The following CCDC30 variants were observed in gnomAD, a reference collection of about 807,000 sequenced individuals.
CCDC30 encodes coiled-coil domain-containing protein 30.
Under a neutral mutation model 100.2 loss-of-function variants are expected in CCDC30, and 70 were observed. That is an observed-to-expected ratio of 0.70 (90% CI 0.58 to 0.85). CCDC30 has a LOEUF of 0.85. Among genes scored for constraint, CCDC30 ranks in the 40% least tolerant of loss-of-function variants. The pLI, the probability that CCDC30 is intolerant of heterozygous loss-of-function variation, is 0.00. For synonymous variants in CCDC30, 233 were observed against 269.5 expected, an observed-to-expected ratio of 0.86 and a Z score of 1.33; for missense variants, 652 against 771.2, an observed-to-expected ratio of 0.85 and a Z score of 1.83.
At chr1:42,556,096 T>TC (rs1471369606) in intron 6 of CCDC30, 60 bp from the exon 10 acceptor site, 9 of 1,512,956 alleles carry the variant, frequency 5.9e-6, no homozygotes, top group African/African-American at 1.4e-5. Context: ...AGCTTTTTTT[T>TC]CCCGATTCTA....
chr1:42,492,652 A>C (rs2148468526), intron 4 of CCDC30, among the ~76,000 whole-genome samples: 1 of 152,104 alleles, frequency 6.6e-6, no homozygotes, highest in African/African-American at 2.4e-5. Context: ...GAAATTAAAA[A>C]GATTTTTTTT....
downstream of CCDC30, among the ~76,000 whole-genome samples, chr1:42,656,689 T>G (rs1010560537): frequency 5.3e-5 from 8 of 152,186 alleles, no homozygotes; most frequent in Non-Finnish European, 1.2e-4. Flanking sequence ...GTCAACATAC[T>G]GTTTTCATAG....
In CCDC30 at chr1:42,565,447, C is replaced by T. The variant is rs147778835; in HGVS notation, c.457-849C>T. 6.0e-4 allele frequency among the ~76,000 whole-genome samples: 92 copies of T among 152,232 alleles called. 1 individual carries two copies. Among genetic ancestry groups the T allele is most frequent in the African/African-American group, 2.2e-3 (90 of 41,552 alleles). Reference sequence around the variant, plus strand: ...AGGTATGTGAAAAAATGTTCAGCGTCGTGAATTATTAGGGAAATGCAAATT... The same window carrying T: ...AGGTATGTGAAAAAATGTTCAGCGTTGTGAATTATTAGGGAAATGCAAATT... On this transcript the variant is annotated intron_variant, in intron 6 of 16. Transcript: ENST00000668663.
At chr1:42,603,674 G>C (rs1173551567) in intron 10 of CCDC30, among the ~76,000 whole-genome samples, 1 of 152,170 alleles carries the variant, frequency 6.6e-6, no homozygotes, top group Admixed American at 6.5e-5. Context: ...ATTTATTGCT[G>C]GTGGGAATGC....
At chr1:42,478,735 G>A (rs899230400) in intron 1 of CCDC30, among the ~76,000 whole-genome samples, 4 of 152,058 alleles carry the variant, frequency 2.6e-5, no homozygotes, top group Non-Finnish European at 4.4e-5. Flanking sequence ...CTCCAGCCTG[G>A]GGAACGGAGT....
chr1:42,508,787 A>T (rs1644434182), intron 6 of CCDC30, among the ~76,000 whole-genome samples: 1 of 152,178 alleles, frequency 6.6e-6, no homozygotes, highest in African/African-American at 2.4e-5. Flanking sequence ...GAGTGGCAAG[A>T]CAAAAAAAAT....
intron 6 of CCDC30, among the ~76,000 whole-genome samples, chr1:42,522,659 C>A (rs1180508848): frequency 6.6e-6 from 1 of 151,930 alleles, no homozygotes; most frequent in Non-Finnish European, 1.5e-5. Context: ...TTTTGATGTC[C>A]CAAAATTACA....
intron 6 of CCDC30, chr1:42,533,957 G>A (rs938113668): frequency 7.9e-6 from 1 of 127,318 alleles, no homozygotes; most frequent in African/African-American, 3.0e-5. Flanking sequence ...GGCAGGTGAG[G>A]TAGGCTCCCT....
chr1:42,465,842 C>T (rs767877413), intron 1 of CCDC30, among the ~76,000 whole-genome samples: 4 of 152,184 alleles, frequency 2.6e-5, no homozygotes, highest in Non-Finnish European at 5.9e-5. Context: ...TCCACAACAG[C>T]TCAGAATGTC....
exon 1 of CCDC30, chr1:42,463,461 G>A (rs1643470538): frequency 6.6e-6 from 1 of 152,184 alleles, no homozygotes; most frequent in African/African-American, 2.4e-5. Flanking sequence ...TCCGCATTAC[G>A]GGCCTTTTCT....
intron 2 of CCDC30, among the ~76,000 whole-genome samples, chr1:42,482,222 CA>C (rs11399996): frequency 0.019 from 2,402 of 127,406 alleles, 50 homozygotes; most frequent in African/African-American, 0.059. Flanking sequence ...GACTCCATCT[CA>C]AAAAAAAAAA....
intron 11 of CCDC30, among the ~76,000 whole-genome samples, chr1:42,626,949 G>A (rs980201017): frequency 2.0e-5 from 3 of 152,142 alleles, no homozygotes; most frequent in African/African-American, 7.2e-5. Flanking sequence ...AGTAGATTGG[G>A]GCATTGCTGA....
intron 6 of CCDC30, among the ~76,000 whole-genome samples, chr1:42,514,146 C>G (rs180925773): frequency 1.4e-4 from 22 of 152,276 alleles, no homozygotes; most frequent in African/African-American, 4.8e-4. Context: ...ATTTATTCAT[C>G]AATTGGACAT....
At chr1:42,566,297 A>G (rs1194008000) in exon 7 of CCDC30, 3 of 1,611,868 alleles carry the variant, frequency 1.9e-6, no homozygotes, top group Admixed American at 3.3e-5. Flanking sequence ...TTGCTTTAGC[A>G]TCCATCATCT....
intron 6 of CCDC30, among the ~76,000 whole-genome samples, chr1:42,544,464 T>C (rs1237424671): frequency 1.3e-5 from 2 of 152,224 alleles, no homozygotes; most frequent in Non-Finnish European, 2.9e-5. Flanking sequence ...TGAGTCTTAC[T>C]CAGGGTAGGG....
intron 12 of CCDC30, among the ~76,000 whole-genome samples, chr1:42,642,092 G>A (rs1291831709): frequency 6.6e-6 from 1 of 151,818 alleles, no homozygotes; most frequent in Non-Finnish European, 1.5e-5. Context: ...CGGGCGTAGT[G>A]GTGGGCACCT....
chr1:42,521,821 C>A (rs1644652466), intron 6 of CCDC30, among the ~76,000 whole-genome samples: 1 of 151,344 alleles, frequency 6.6e-6, no homozygotes, highest in Non-Finnish European at 1.5e-5. Context: ...TATTTTGTAA[C>A]CTTTTTGAAA....
intron 6 of CCDC30, among the ~76,000 whole-genome samples, chr1:42,511,853 C>A (rs368210215): frequency 6.6e-6 from 1 of 151,710 alleles, no homozygotes; most frequent in Non-Finnish European, 1.5e-5. Context: ...CCAGCTTGGT[C>A]GTGGAGACCC....
intron 10 of CCDC30, among the ~76,000 whole-genome samples, chr1:42,610,368 A>G (rs1033052570): frequency 6.6e-6 from 1 of 152,190 alleles, no homozygotes; most frequent in African/African-American, 2.4e-5. Flanking sequence ...TAATTAACTG[A>G]AGAGAACAGC....
Sources: allele counts gnomAD v4.1 joint callset (sites outside exome capture counted in the v4.1 genomes callset), GRCh38; gene constraint gnomAD v4.1.1; transcripts MANE v1.5; gene names NCBI Gene and HGNC (gene_info 2026-07-23, HGNC 2026-07-21).